The following DPY19L4 variants were observed in gnomAD, a reference collection of about 807,000 sequenced individuals.
The protein encoded by DPY19L4 is dpy-19 like 4.
Under a neutral mutation model 102.8 loss-of-function variants are expected in DPY19L4, and 97 were observed. That is an observed-to-expected ratio of 0.94 (90% CI 0.80 to 1.12). The LOEUF is 1.12. Ranked by LOEUF, DPY19L4 falls within the 50% of genes most tolerant of loss-of-function variation. DPY19L4 has a pLI of 0.00. For synonymous variants in DPY19L4, 252 were observed against 283.1 expected (o/e 0.89, Z 1.10); for missense variants, 815 against 850.4 (o/e 0.96, Z 0.52).
chr8:94,765,371 G>C, intron 9 of DPY19L4, 57 bp downstream of exon 9: 13 of 1,501,460 alleles, frequency 8.7e-6, no homozygotes, highest in Non-Finnish European at 1.2e-5. Flanking sequence ...TTGAAGTGGA[G>C]TCTCACTCTG....
intron 1 of DPY19L4, among the ~76,000 whole-genome samples, chr8:94,725,985 A>T (rs1462573912): frequency 1.3e-5 from 2 of 152,170 alleles, no homozygotes; most frequent in Non-Finnish European, 2.9e-5. Context: ...TGCATTTGAT[A>T]CTTTAAGGTA....
At chr8:94,773,579 C>T (rs532559419) in intron 13 of DPY19L4, among the ~76,000 whole-genome samples, 3 of 151,672 alleles carry the variant, frequency 2.0e-5, no homozygotes, top group Admixed American at 6.7e-5. Context: ...TACAGGCATG[C>T]GCCACCACGC....
At chr8:94,766,538 C>T (rs545117147) in intron 10 of DPY19L4, 74 bp from the exon 11 acceptor site, 1 of 1,373,520 alleles carries the variant, frequency 7.3e-7, no homozygotes, top group African/African-American at 1.5e-5. Flanking sequence ...TTTTCTGTCT[C>T]TAGTATTGGG....
intron 16 of DPY19L4, among the ~76,000 whole-genome samples, 174 bp from the exon 17 acceptor site, chr8:94,783,496 G>A (rs1470778943): frequency 1.3e-5 from 2 of 152,032 alleles, no homozygotes; most frequent in Non-Finnish European, 1.5e-5. Context: ...CTGCTGCATA[G>A]TTAGGTGCCC....
In DPY19L4 at chr8:94,789,789, G is replaced by A; in HGVS notation, c.2051G>A (p.Gly684Glu). 2 of 1,610,944 alleles carry A rather than the reference G, an allele frequency of 1.2e-6. No homozygotes were observed. Among genetic ancestry groups the A allele is most frequent in the Admixed American group, 1.7e-5 (1 of 59,760 alleles). ...EGDKLTYSKY[G>E]RFCHEVKINY... is the part of the protein sequence containing the mutation. ...GACAAGCTAACCTACTCAAAATATGGGCGATTTTGTCATGAGGTCAAAATT... is the reference window on the plus strand; with the variant it reads ...GACAAGCTAACCTACTCAAAATATGAGCGATTTTGTCATGAGGTCAAAATT... Residue 684 changes from glycine (G) to glutamate (E), a missense_variant, in exon 19 of 19, where the codon GGG becomes GAG. Transcript: ENST00000414645.
chr8:94,749,683 C>T (rs1389751791), intron 6 of DPY19L4, among the ~76,000 whole-genome samples: 1 of 152,154 alleles, frequency 6.6e-6, no homozygotes, highest in African/African-American at 2.4e-5. Flanking sequence ...ACTCATTTAG[C>T]CTTATCTCAA....
At chr8:94,727,989 T>A (rs139180553) in intron 2 of DPY19L4, among the ~76,000 whole-genome samples, 26 of 151,866 alleles carry the variant, frequency 1.7e-4, no homozygotes, top group African/African-American at 6.3e-4. Context: ...TGAGACAGAG[T>A]CTCACCCTGT....
intron 6 of DPY19L4, among the ~76,000 whole-genome samples, chr8:94,743,574 T>C (rs1811540854): frequency 6.6e-6 from 1 of 151,666 alleles, no homozygotes; most frequent in South Asian, 2.1e-4. Context: ...AGCCTGAGGC[T>C]GCAGTGAGCT....
chr8:94,732,637 A>G (rs1395006170), intron 2 of DPY19L4, among the ~76,000 whole-genome samples: 26 of 152,112 alleles, frequency 1.7e-4, no homozygotes, highest in Admixed American at 1.7e-3. Flanking sequence ...TACATTTTAC[A>G]TGGCTTTAGG....
At chr8:94,780,335 A>T in intron 14 of DPY19L4, 24 bp from the exon 15 acceptor site, 1 of 1,445,676 alleles carries the variant, frequency 6.9e-7, no homozygotes, top group South Asian at 1.7e-5. Context: ...TTTATTTGTA[A>T]TCCTTTTTGC....
Position 94,768,363 on chromosome 8 carries a change from G to T in DPY19L4, c.1176-32G>T, listed in dbSNP as rs1040687355. The T allele has an allele frequency of 5.8e-6, 9 of 1,542,928 alleles. No individual in the cohort carries two copies. In the African/African-American group the frequency reaches 1.1e-4, roughly 19 times the overall value. The stretch of plus-strand genomic sequence containing the variant: ...TCTGTGTTCAGTTTAAAACGTCTAT[G>T]AATTTAATATCATACTTTTTGTCTT... On this transcript the variant is annotated intron_variant, in intron 11 of 18. Transcript: ENST00000414645.
In DPY19L4 at chr8:94,783,615, G is replaced by A. The variant is rs1055854757; in HGVS notation, c.1716-55G>A. The A allele has an allele frequency of 3.6e-5, 57 of 1,588,152 alleles. No individual in the cohort carries two copies. The African/African-American group carries it at 3.8e-4, about 11-fold the overall frequency. The stretch of plus-strand genomic sequence containing the variant: ...TATTTCAGAGTTGATATAGATCAGT[G>A]ATCTAAATAGTATACTTGCCTTTTC... On this transcript the variant is annotated intron_variant, in intron 16 of 18. Coordinates refer to ENST00000414645, the MANE Select transcript of DPY19L4 (RefSeq NM_181787.3).
chr8:94,742,068 A>G (rs2130825798), intron 6 of DPY19L4, among the ~76,000 whole-genome samples: 1 of 152,312 alleles, frequency 6.6e-6, no homozygotes, highest in Non-Finnish European at 1.5e-5. Context: ...AGAAAATCTT[A>G]TATTTTATGG....
intron 6 of DPY19L4, among the ~76,000 whole-genome samples, chr8:94,742,227 G>A (rs1409126495): frequency 1.3e-5 from 2 of 151,894 alleles, no homozygotes; most frequent in Non-Finnish European, 2.9e-5. Flanking sequence ...GTGTGGTGGC[G>A]GGCGCCTGTA....
intron 6 of DPY19L4, among the ~76,000 whole-genome samples, chr8:94,740,645 C>T (rs1003207193): frequency 3.3e-5 from 5 of 152,194 alleles, no homozygotes; most frequent in Middle Eastern, 3.4e-3. Context: ...TTAGTAGAGA[C>T]AGAGTTTCAC....
Position 94,793,754 on chromosome 8 carries a change from A to G in DPY19L4, c.*3844A>G, listed in dbSNP as rs1267116240. On this transcript the variant is annotated 3_prime_UTR_variant, in exon 19 of 19. Coordinates refer to ENST00000414645, the MANE Select transcript of DPY19L4 (RefSeq NM_181787.3). ...AAACAGGTGTGAAAATTATAAAGGAATATATATGACAATTATTTTCTGTAC... is the reference window on the plus strand; with the variant it reads ...AAACAGGTGTGAAAATTATAAAGGAGTATATATGACAATTATTTTCTGTAC... The G allele has an allele frequency of 6.6e-6, 1 of 152,218 alleles. No homozygotes were observed. The highest frequency in any genetic ancestry group is 2.4e-5 in the African/African-American group (1 of 41,462). 9.4% of individuals were successfully genotyped at this position (152,218 alleles called of 1,614,324 possible). A position where few individuals can be genotyped will look rare whatever the true frequency, so the allele number is the denominator to read the frequency against.
Position 94,719,970 on chromosome 8 carries a change from C to T in DPY19L4, c.-29C>T, listed in dbSNP as rs941035203. ...GGGAGAGTCTGGGCCGCGCGGGAGC[C>T]GCAGGGCGCCCTAGCCTTCGCAGAA... On this transcript the variant is annotated 5_prime_UTR_variant, in exon 1 of 19. Coordinates refer to ENST00000414645, the MANE Select transcript of DPY19L4 (RefSeq NM_181787.3). 6.6e-7 allele frequency: 1 copy of T among 1,508,180 alleles called. No individual in the cohort carries two copies. The highest frequency in any genetic ancestry group is 8.9e-7 in the Non-Finnish European group (1 of 1,128,878). 93.4% of individuals were successfully genotyped at this position (1,508,180 alleles called of 1,614,324 possible).
In DPY19L4 at chr8:94,735,792, G is replaced by T. The variant is rs184688626; in HGVS notation, c.252+1038G>T. On this transcript the variant is annotated intron_variant, in intron 3 of 18. Coordinates refer to ENST00000414645, the MANE Select transcript of DPY19L4 (RefSeq NM_181787.3). ...ACTCTCAGACCCCACTTTAAAATCC[G>T]AATCTACAGTTTAATAAGGTCTCCA... 2.6e-4 allele frequency among the ~76,000 whole-genome samples: 40 copies of T among 152,246 alleles called. No homozygotes were observed. In the East Asian group the frequency reaches 6.8e-3, roughly 26 times the overall value.
chr8:94,749,281 G>A (rs1391764470), intron 6 of DPY19L4, among the ~76,000 whole-genome samples: 1 of 152,108 alleles, frequency 6.6e-6, no homozygotes, highest in Admixed American at 6.6e-5. Flanking sequence ...CCAGTCCCTG[G>A]TGCCAAAAAG....
Sources: allele counts gnomAD v4.1 joint callset (sites outside exome capture counted in the v4.1 genomes callset), GRCh38; gene constraint gnomAD v4.1.1; transcripts MANE v1.5; gene names NCBI Gene and HGNC (gene_info 2026-07-23, HGNC 2026-07-21).